The following CNOT1 variants were observed in gnomAD, a reference collection of about 807,000 sequenced individuals.
The protein encoded by CNOT1 is CCR4-NOT transcription complex subunit 1.
CNOT1 carries 15 observed loss-of-function variants against 273.8 expected under a neutral mutation model. That is an observed-to-expected ratio of 0.05 (90% CI 0.04 to 0.08). The LOEUF (loss-of-function observed/expected upper bound fraction) is 0.08, where lower values mean the gene tolerates loss of function less well. Ranked by LOEUF, CNOT1 falls within the 10% of genes least tolerant of loss-of-function variation. CNOT1 has a pLI of 1.00. For synonymous variants in CNOT1, 1,022 were observed against 1,005.5 expected (o/e 1.02, Z -0.31); for missense variants, 1,644 against 2,912.2 (o/e 0.56, Z 10.02).
At position 58,542,350 on chromosome 16, in the gene CNOT1, A is replaced by G; in HGVS notation, c.4576-15T>C. ...AGCTCAAATTCCTGCAAACAAAAAA[A>G]GTCACTGAGGTTCTTGTTATAAGGC... On this transcript the variant is annotated splice_polypyrimidine_tract_variant and intron_variant, in intron 32 of 48. Transcript: ENST00000317147. 6.2e-7 allele frequency: 1 copy of G among 1,614,020 alleles called. No homozygotes were observed. The highest frequency in any genetic ancestry group is 8.5e-7 in the Non-Finnish European group (1 of 1,179,984).
chr16:58,584,788 C>G (rs1486065838), intron 8 of CNOT1, among the ~76,000 whole-genome samples: 1 of 152,110 alleles, frequency 6.6e-6, no homozygotes, highest in Non-Finnish European at 1.5e-5. Flanking sequence ...TAAGTCAAAG[C>G]AAAGCACATT....
At chr16:58,599,900 T>A (rs868053986) in intron 1 of CNOT1, among the ~76,000 whole-genome samples, 1 of 151,808 alleles carries the variant, frequency 6.6e-6, no homozygotes, top group Non-Finnish European at 1.5e-5. Context: ...CCGTCTCTAC[T>A]GAAAATACAA....
At position 58,538,076 on chromosome 16, in the gene CNOT1, A is replaced by C; in HGVS notation, c.5245-16T>G. On this transcript the variant is annotated splice_polypyrimidine_tract_variant and intron_variant, in intron 37 of 48. Coordinates refer to ENST00000317147, the MANE Select transcript of CNOT1 (RefSeq NM_016284.5). ...TCTCCATTGACTGGCAACACAGAAA[A>C]CATAATGTGAGAGGGAAAACACTTA... The C allele has an allele frequency of 6.2e-7, 1 of 1,614,172 alleles. No individual in the cohort carries two copies. The highest frequency in any genetic ancestry group is 8.5e-7 in the Non-Finnish European group (1 of 1,180,026).
At chr16:58,555,932 A>C (rs368596461) in intron 19 of CNOT1, 24 bp from the exon 20 acceptor site, 3 of 1,608,000 alleles carry the variant, frequency 1.9e-6, no homozygotes, top group Non-Finnish European at 2.5e-6. Context: ...AAAAGGAATC[A>C]GTGGGCATTT....
chr16:58,586,581 C>G lies in CNOT1; in HGVS notation c.601G>C (p.Glu201Gln). The G allele has an allele frequency of 6.2e-7, 1 of 1,612,126 alleles. No homozygotes were observed. Among genetic ancestry groups the G allele is most frequent in the Non-Finnish European group, 8.5e-7 (1 of 1,179,600 alleles). ...GQKGAFGVGQ[E>Q]QIDAFLKTLR... is the part of the protein sequence containing the mutation. Reference sequence around the variant, plus strand: ...GTCTTAAGAAAAGCGTCTATCTGTTCTTGTCCAACTCCAAAGGCTCCCTTC... The same window carrying G: ...GTCTTAAGAAAAGCGTCTATCTGTTGTTGTCCAACTCCAAAGGCTCCCTTC... Residue 201 changes from glutamate to glutamine, a missense_variant, in exon 7 of 49, where the codon GAA becomes CAA. Transcript: ENST00000317147.
At chr16:58,521,553 A>T (rs1311836965) in intron 47 of CNOT1, among the ~76,000 whole-genome samples, 1 of 152,210 alleles carries the variant, frequency 6.6e-6, no homozygotes, top group Non-Finnish European at 1.5e-5. Context: ...AGATAATGGT[A>T]TCTACCTCAC....
intron 40 of CNOT1, chr16:58,533,126 G>A (rs2039820299): frequency 6.6e-6 from 1 of 152,232 alleles, no homozygotes; most frequent in African/African-American, 2.4e-5. Context: ...TTCGGTTAAG[G>A]CACTATATTC....
Position 58,522,089 on chromosome 16 carries a change from A to C in CNOT1, c.6918-772T>G, listed in dbSNP as rs146458697. ...AATCCCAGCACTCTGGGAGGCCAAG[A>C]CGGGTGGATCACGAGGTCGGGAGTT... is the stretch of plus-strand genomic sequence containing the variant. On this transcript the variant is annotated intron_variant, in intron 47 of 48. Transcript: ENST00000317147. Among the ~76,000 whole-genome samples, 632 of 151,872 alleles carry C rather than the reference A, an allele frequency of 4.2e-3. 5 individuals carry two copies. The highest frequency in any genetic ancestry group is 0.014 in the African/African-American group (591 of 41,392).
chr16:58,529,434 A>G (rs1330581483), intron 43 of CNOT1, among the ~76,000 whole-genome samples: 1 of 152,208 alleles, frequency 6.6e-6, no homozygotes, highest in South Asian at 2.1e-4. Flanking sequence ...TAAAACATAT[A>G]AAGAATTATT....
In CNOT1 at chr16:58,534,195, G is replaced by C; in HGVS notation, c.5847C>G (p.His1949Gln). The C allele has an allele frequency of 1.2e-6, 2 of 1,614,220 alleles. No individual in the cohort carries two copies. The highest frequency in any genetic ancestry group is 1.7e-6 in the Non-Finnish European group (2 of 1,180,038). Reference sequence around the variant, plus strand: ...TGACAGTGTTGGTGGCCTCCCCTGAGTGTTTCACGAGCAGTGCAATGAGTC... The same window carrying C: ...TGACAGTGTTGGTGGCCTCCCCTGACTGTTTCACGAGCAGTGCAATGAGTC... The part of the protein sequence containing the change: ...FVRLIALLVK[H>Q]SGEATNTVTK... Residue 1949 changes from histidine to glutamine, a missense_variant, in exon 40 of 49, where the codon CAC becomes CAG. Around this residue, in one of 13 missense-constraint regions of CNOT1, gnomAD observed 133 missense variants for 328.2 expected, o/e 0.41. Transcript: ENST00000317147.
At chr16:58,570,627 A>G (rs569139172) in intron 16 of CNOT1, among the ~76,000 whole-genome samples, 7 of 152,332 alleles carry the variant, frequency 4.6e-5, no homozygotes, top group Non-Finnish European at 7.3e-5. Flanking sequence ...CAAAAAAATA[A>G]CTGCATGAAG....
At chr16:58,543,003 G>C in intron 31 of CNOT1, 1 of 705,280 alleles carries the variant, frequency 1.4e-6, no homozygotes, top group South Asian at 6.4e-5. Context: ...TGAAGCACGA[G>C]AATCAGTTGA....
rs758127660 is a variant in CNOT1, at chr16:58,543,599, C to T, written c.4434+8G>A. 6.2e-7 allele frequency: 1 copy of T among 1,614,092 alleles called. No individual in the cohort carries two copies. The highest frequency in any genetic ancestry group is 8.5e-7 in the Non-Finnish European group (1 of 1,180,022). On this transcript the variant is annotated splice_region_variant and intron_variant, in intron 31 of 48. Transcript: ENST00000317147. The stretch of plus-strand genomic sequence containing the variant: ...TTTGTACCTATACCAAGGAAATAGC[C>T]AACTTACACGAAGGGCTGAGGCAAA...
intron 44 of CNOT1, among the ~76,000 whole-genome samples, chr16:58,526,527 A>AAAG: frequency 6.6e-6 from 1 of 150,802 alleles, no homozygotes; most frequent in African/African-American, 2.4e-5. Flanking sequence ...AAAAAAAAAA[A>AAAG]AAAAAAAAAA....
rs2039337770 is a variant in CNOT1 at position 58,520,622 on chromosome 16, T to TC, written c.*335dup. 1 of 280,770 alleles carries TC rather than the reference T, an allele frequency of 3.6e-6. No homozygotes were observed. The highest frequency in any genetic ancestry group is 6.1e-5 in the South Asian group (1 of 16,472). 17.4% of individuals were successfully genotyped at this position (280,770 alleles called of 1,614,324 possible). A position where few individuals can be genotyped will look rare whatever the true frequency, so the allele number is the denominator to read the frequency against. Reference sequence around the variant, plus strand: ...CAAGTGCATGGCATCAGCTGCCTCTTCATTACAAGGTACCAGTTTATGTAC... The same window carrying TC: ...CAAGTGCATGGCATCAGCTGCCTCTTCCATTACAAGGTACCAGTTTATGTAC... On this transcript the variant is annotated 3_prime_UTR_variant, in exon 49 of 49. Transcript: ENST00000317147.
chr16:58,538,648 A>G (rs540010410), intron 36 of CNOT1, 124 bp downstream of exon 36: 4 of 1,390,724 alleles, frequency 2.9e-6, no homozygotes, highest in South Asian at 1.4e-5. Flanking sequence ...TCTCAGAAGT[A>G]GGAAGTCTAA....
At chr16:58,623,040 A>G (rs924719219) in intron 1 of CNOT1, among the ~76,000 whole-genome samples, 12 of 151,994 alleles carry the variant, frequency 7.9e-5, no homozygotes, top group African/African-American at 2.9e-4. Context: ...TCTACTAAAA[A>G]TACAAAAATT....
intron 16 of CNOT1, among the ~76,000 whole-genome samples, chr16:58,571,446 G>A (rs962487267): frequency 1.3e-5 from 2 of 152,094 alleles, no homozygotes; most frequent in African/African-American, 2.4e-5. Flanking sequence ...TGTAGTTCCA[G>A]CTACTCCAGA....
chr16:58,597,060 T>G (rs937135354), intron 2 of CNOT1, among the ~76,000 whole-genome samples: 1 of 149,502 alleles, frequency 6.7e-6, no homozygotes, highest in African/African-American at 2.5e-5. Flanking sequence ...TTCTTTTTTA[T>G]CAACTGGTCT....
Sources: gnomAD v4.1 joint callset for allele counts (sites outside exome capture counted in the v4.1 genomes callset) on GRCh38, gnomAD v4.1.1 for gene constraint, gnomAD v4.1.1 regional missense constraint, MANE v1.5 for transcripts, NCBI Gene and HGNC (gene_info 2026-07-23, HGNC 2026-07-21) for gene names.